The following WSCD2 variants were observed in gnomAD, a reference collection of about 807,000 sequenced individuals.
WSCD2 encodes WSC domain sialate O sulfotransferase 2, also known as sialate:O-sulfotransferase 2.
WSCD2 carries 28 observed loss-of-function variants against 55.7 expected under a neutral mutation model. That is an observed-to-expected ratio of 0.50 (90% CI 0.37 to 0.69). WSCD2 has a LOEUF of 0.69. Ranked by LOEUF, WSCD2 falls within the 30% of genes least tolerant of loss-of-function variation. The pLI, the probability that WSCD2 is intolerant of heterozygous loss-of-function variation, is 0.00. For synonymous variants in WSCD2, 301 were observed against 301.9 expected (o/e 1.00, Z 0.03); for missense variants, 616 against 762.1 (o/e 0.81, Z 2.26).
At chr12:108,244,683 C>G in intron 8 of WSCD2, 1 of 688,236 alleles carries the variant, frequency 1.5e-6, no homozygotes, top group Non-Finnish European at 2.7e-6. Context: ...GGAGCTGGGT[C>G]CTGAACCCCA....
chr12:108,175,187 A>C (rs1167175619), intron 1 of WSCD2, among the ~76,000 whole-genome samples: 2 of 152,214 alleles, frequency 1.3e-5, no homozygotes, highest in Non-Finnish European at 1.5e-5. Flanking sequence ...TTACCAGCAC[A>C]CAGGGGGCAG....
chr12:108,246,224 T>G (rs1890071309), intron 8 of WSCD2, among the ~76,000 whole-genome samples: 1 of 152,228 alleles, frequency 6.6e-6, no homozygotes, highest in Non-Finnish European at 1.5e-5. Context: ...CCTTTTCCTT[T>G]CAGGGTAGTC....
intron 6 of WSCD2, among the ~76,000 whole-genome samples, chr12:108,230,365 A>G (rs540918971): frequency 1.3e-5 from 2 of 152,310 alleles, no homozygotes; most frequent in South Asian, 4.2e-4. Flanking sequence ...CAGGAGAAGA[A>G]AGCTGAACCT....
In WSCD2 at chr12:108,204,517, C is replaced by G. The variant is rs140510442; in HGVS notation, c.383-1772C>G. ...CCCACGTGGCCACAAAGTGCTTTCT[C>G]CCAGCTCAGGTGTGAACAGCATTCG... On this transcript the variant is annotated intron_variant, in intron 2 of 8. Coordinates refer to ENST00000547525, the MANE Select transcript of WSCD2 (RefSeq NM_014653.4). 1.8e-3 allele frequency among the ~76,000 whole-genome samples: 275 copies of G among 152,322 alleles called. 1 individual carries two copies. Among genetic ancestry groups the G allele is most frequent in the African/African-American group, 6.0e-3 (251 of 41,584 alleles).
intron 7 of WSCD2, among the ~76,000 whole-genome samples, chr12:108,236,513 T>A (rs1467740212): frequency 1.3e-5 from 2 of 152,170 alleles, no homozygotes; most frequent in Non-Finnish European, 2.9e-5. Context: ...GCAACTGCCA[T>A]TTGCAAAGCA....
At chr12:108,169,209 A>G (rs1448722084) in intron 1 of WSCD2, among the ~76,000 whole-genome samples, 1 of 152,176 alleles carries the variant, frequency 6.6e-6, no homozygotes, top group East Asian at 1.9e-4. Flanking sequence ...AAGTTCAGGG[A>G]TCCCACTGAT....
intron 1 of WSCD2, chr12:108,171,974 G>A (rs1314725377): frequency 6.6e-6 from 1 of 152,164 alleles, no homozygotes; most frequent in Non-Finnish European, 1.5e-5. Flanking sequence ...AGAAAGAATA[G>A]GCTTTGCATT....
chr12:108,147,193 G>A (rs1278145413), intron 1 of WSCD2, among the ~76,000 whole-genome samples: 1 of 152,184 alleles, frequency 6.6e-6, no homozygotes, highest in African/African-American at 2.4e-5. Context: ...CTCAGGTGGA[G>A]GAGACAGGAC....
At position 108,195,884 on chromosome 12, in the gene WSCD2, C is replaced by T. The variant is rs755838327; in HGVS notation, c.52C>T (p.Arg18Cys). ...GCGGTACTTCCGCCGGAAACCTGTGCGCTTCTTTACCTTCCTGGCACTCTA... is the reference window on the plus strand; with the variant it reads ...GCGGTACTTCCGCCGGAAACCTGTGTGCTTCTTTACCTTCCTGGCACTCTA... ...FQRYFRRKPV[R>C]FFTFLALYLT... is the part of the protein sequence containing the mutation. Residue 18 changes from arginine (R) to cysteine (C), a missense_variant, in exon 2 of 9, where the codon CGC (arginine) becomes TGC (cysteine). Physicochemically the swap from Arg to Cys is radical, Grantham distance 180. Coordinates refer to ENST00000547525, the MANE Select transcript of WSCD2 (RefSeq NM_014653.4). 2.4e-5 allele frequency: 38 copies of T among 1,613,952 alleles called. No individual in the cohort carries two copies. Among genetic ancestry groups the T allele is most frequent in the East Asian group, 4.5e-5 (2 of 44,884 alleles).
chr12:108,170,926 G>T (rs1362342750), intron 1 of WSCD2, among the ~76,000 whole-genome samples: 1 of 152,168 alleles, frequency 6.6e-6, no homozygotes, highest in Non-Finnish European at 1.5e-5. Context: ...ATCCACAGGG[G>T]TCCCTGGGCT....
At chr12:108,179,258 G>A (rs150299535) in intron 1 of WSCD2, among the ~76,000 whole-genome samples, 276 of 151,314 alleles carry the variant, frequency 1.8e-3, no homozygotes, top group African/African-American at 6.1e-3. Flanking sequence ...AACTTTCAGC[G>A]GGGGAGGGGG....
At chr12:108,134,470 A>G (rs142967675) in intron 1 of WSCD2, among the ~76,000 whole-genome samples, 305 of 152,224 alleles carry the variant, frequency 2.0e-3, no homozygotes, top group African/African-American at 7.1e-3. Flanking sequence ...TGGCCCTAGA[A>G]TGGGCACATG....
At chr12:108,170,848 T>C (rs1880167277) in intron 1 of WSCD2, among the ~76,000 whole-genome samples, 1 of 152,196 alleles carries the variant, frequency 6.6e-6, no homozygotes, top group Non-Finnish European at 1.5e-5. Context: ...GGCTCAAAGC[T>C]AGTCATGAGA....
chr12:108,221,511 G>A (rs144865067), intron 4 of WSCD2, among the ~76,000 whole-genome samples: 2 of 152,278 alleles, frequency 1.3e-5, no homozygotes, highest in African/African-American at 4.8e-5. Context: ...AGCCAAGATT[G>A]CACCACTGCA....
At chr12:108,158,381 G>C (rs923758862) in intron 1 of WSCD2, among the ~76,000 whole-genome samples, 2 of 150,556 alleles carry the variant, frequency 1.3e-5, no homozygotes, top group African/African-American at 4.9e-5. Context: ...TTGGAGAAGA[G>C]CCTGAGGCTC....
chr12:108,131,015 G>A (rs747205023), intron 1 of WSCD2, among the ~76,000 whole-genome samples: 1 of 152,202 alleles, frequency 6.6e-6, no homozygotes. Flanking sequence ...CTTGGGCTGG[G>A]CATCTGCCTC....
At chr12:108,230,449 C>T (rs1175531158) in intron 6 of WSCD2, among the ~76,000 whole-genome samples, 2 of 152,178 alleles carry the variant, frequency 1.3e-5, no homozygotes, top group Non-Finnish European at 1.5e-5. Flanking sequence ...CTCAATCTAA[C>T]ACTGCATTCA....
chr12:108,143,022 C>T (rs1393182320), intron 1 of WSCD2, among the ~76,000 whole-genome samples: 2 of 152,194 alleles, frequency 1.3e-5, no homozygotes, highest in Non-Finnish European at 2.9e-5. Flanking sequence ...CTTTGTTACA[C>T]AGGCTGGTCT....
rs1264728314 is a variant in WSCD2 at position 108,227,027 on chromosome 12, A to C, written c.842A>C (p.His281Pro). 6.2e-7 allele frequency: 1 copy of C among 1,614,182 alleles called. No individual in the cohort carries two copies. Among genetic ancestry groups the C allele is most frequent in the Non-Finnish European group, 8.5e-7 (1 of 1,180,014 alleles). ...PLAALAGTAC[H>P]CGFPTTRFPL... is the part of the protein sequence containing the mutation. Reference sequence around the variant, plus strand: ...GCAGCTCTTGCAGGCACCGCCTGCCACTGTGGGTTTCCCACCACCCGATTC... The same window carrying C: ...GCAGCTCTTGCAGGCACCGCCTGCCCCTGTGGGTTTCCCACCACCCGATTC... The change falls in exon 6 of 9, where the codon CAC becomes CCC. Residue 281 changes from histidine to proline, a missense_variant. His to Pro is a moderately conservative substitution (Grantham distance 77). Transcript: ENST00000547525.
Sources: gnomAD v4.1 joint callset for allele counts (sites outside exome capture counted in the v4.1 genomes callset) on GRCh38, gnomAD v4.1.1 for gene constraint, MANE v1.5 for transcripts, NCBI Gene and HGNC (gene_info 2026-07-23, HGNC 2026-07-21) for gene names.